PLCH2: variants seen among roughly 807,000 people sequenced by gnomAD.
PLCH2 encodes 1-phosphatidylinositol 4,5-bisphosphate phosphodiesterase eta-2.
A neutral mutation model predicts 134.7 loss-of-function variants in PLCH2; 98 were observed. That is an observed-to-expected ratio of 0.73 (90% CI 0.62 to 0.86). The LOEUF (loss-of-function observed/expected upper bound fraction) is 0.86, where lower values mean the gene tolerates loss of function less well. PLCH2 is among the 40% of genes least tolerant of loss of function. PLCH2 has a pLI of 0.00. For synonymous variants in PLCH2, 974 were observed against 827.5 expected (o/e 1.18, Z -3.04); for missense variants, 1,994 against 1,986.6 (o/e 1.00, Z -0.07).
Position 2,505,317 on chromosome 1 carries a change from C to T in PLCH2, c.*104C>T. ...GCCAGGCCCCCAAAACTGTGTCCCC[C>T]TGGCTGCCCTGTGTCCCCTCCACCC... On this transcript the variant is annotated 3_prime_UTR_variant, in exon 22 of 22. Coordinates refer to ENST00000378486, the MANE Select transcript of PLCH2 (RefSeq NM_014638.4). 1 of 837,286 alleles carries T rather than the reference C, an allele frequency of 1.2e-6. No homozygotes were observed. The highest frequency in any genetic ancestry group is 1.8e-6 in the Non-Finnish European group (1 of 553,928). The allele number at this position is 837,286 out of a possible 1,614,324, so 51.9% of individuals were successfully genotyped here.
In PLCH2 at chr1:2,476,910, C is replaced by T. The variant is rs544977100; in HGVS notation, c.124+198C>T. 4.5e-4 allele frequency among the ~76,000 whole-genome samples: 68 copies of T among 152,318 alleles called. No individual in the cohort carries two copies. Among genetic ancestry groups the T allele is most frequent in the Admixed American group, 2.0e-3 (31 of 15,308 alleles). On this transcript the variant is annotated intron_variant, in intron 1 of 21. Coordinates refer to ENST00000378486, the MANE Select transcript of PLCH2 (RefSeq NM_014638.4). ...GCCCTGCCCCTCAGCCGCTCAGAGG[C>T]GTGCTCAGCACACCTCGGTCTCCCA... is the stretch of plus-strand genomic sequence containing the variant.
At chr1:2,499,618 C>T (rs2477707) in intron 19 of PLCH2, 23 bp from the exon 20 acceptor site, 373,991 of 1,570,354 alleles carry the variant, frequency 0.24, 50,245 homozygotes, top group African/African-American at 0.5. Context: ...ACCTCATGAC[C>T]CTGCTGACCC....
intron 5 of PLCH2, among the ~76,000 whole-genome samples, chr1:2,486,172 A>C (rs919013533): frequency 5.3e-5 from 8 of 152,200 alleles, no homozygotes; most frequent in Non-Finnish European, 1.0e-4. Flanking sequence ...ATTGGCAGGC[A>C]GAAGTGACCC....
chr1:2,480,908 G>A (rs1383451048), intron 4 of PLCH2, among the ~76,000 whole-genome samples: 1 of 152,268 alleles, frequency 6.6e-6, no homozygotes, highest in African/African-American at 2.4e-5. Context: ...GGTGCTGGCT[G>A]AGCCAGCAAA....
Position 2,479,890 on chromosome 1 carries a change from C to A in PLCH2, c.428C>A (p.Ala143Glu), listed in dbSNP as rs762406357. 2 of 1,611,728 alleles carry A rather than the reference C, an allele frequency of 1.2e-6. No homozygotes were observed. Among genetic ancestry groups the A allele is most frequent in the Non-Finnish European group, 8.5e-7 (1 of 1,179,492 alleles). The change falls in exon 3 of 22, where the codon GCG (alanine) becomes GAG (glutamate). Residue 143 changes from alanine to glutamate, a missense_variant. Transcript: ENST00000378486. ...CTGGTCTCCACCAGCAGCGAGGTGG[C>A]GCGCACCTGGGTCACTGGCCTGCGC... Reference protein sequence around the residue: ...LDLVSTSSEVARTWVTGLRYL... With the variant: ...LDLVSTSSEVERTWVTGLRYL...
rs778748424 is a variant in PLCH2 at position 2,478,629 on chromosome 1, G to A, written c.271+7G>A. 1.9e-6 allele frequency: 3 copies of A among 1,602,694 alleles called. No individual in the cohort carries two copies. The highest frequency in any genetic ancestry group is 1.3e-5 in the African/African-American group (1 of 74,764). ...AAGAACGAGAAGGCCAAGAGTGAGT[G>A]GGAGCCCTGGGGTGGGGACAAATCA... On this transcript the variant is annotated splice_region_variant and intron_variant, in intron 2 of 21. Transcript: ENST00000378486.
chr1:2,444,564 C>T lies in PLCH2; in HGVS notation c.115+13935C>T, dbSNP rs1639851798. 6.6e-6 allele frequency among the ~76,000 whole-genome samples: 1 copy of T among 152,162 alleles called. No homozygotes were observed. The highest frequency in any genetic ancestry group is 1.5e-5 in the Non-Finnish European group (1 of 68,000). ...TGAGTGTCCACTGCTGAGGGGTCTCCTGGGCTCTGGACCTGCCGGCAGAGC... is the reference window on the plus strand; with the variant it reads ...TGAGTGTCCACTGCTGAGGGGTCTCTTGGGCTCTGGACCTGCCGGCAGAGC... On this transcript the variant is annotated intron_variant, in intron 2 of 3. Transcript: ENST00000609981. The surrounding 1 kb of genome is among the most constrained non-coding windows in gnomAD (Gnocchi z 4.6).
upstream of PLCH2, among the ~76,000 whole-genome samples, chr1:2,422,278 A>ACAAG (rs897455734): frequency 2.4e-4 from 36 of 152,034 alleles, no homozygotes; most frequent in African/African-American, 8.2e-4. Context: ...CAAAAAACAA[A>ACAAG]CAAACAAACA....
chr1:2,434,897 A>G (rs1253467923), intron 2 of PLCH2, among the ~76,000 whole-genome samples: 1 of 152,208 alleles, frequency 6.6e-6, no homozygotes, highest in Non-Finnish European at 1.5e-5. Context: ...TGCTGTACCC[A>G]GGCTGCCCAG....
At chr1:2,423,456 A>G (rs1478517647), upstream of PLCH2, among the ~76,000 whole-genome samples, 1 of 152,156 alleles carries the variant, frequency 6.6e-6, no homozygotes, top group East Asian at 1.9e-4. Flanking sequence ...CGATACACGG[A>G]GACAGCAGGG....
At position 2,502,109 on chromosome 1, in the gene PLCH2, C is replaced by A. The variant is rs1281789626; in HGVS notation, c.2662-3C>A. On this transcript the variant is annotated splice_polypyrimidine_tract_variant and splice_region_variant and intron_variant, in intron 20 of 21. Coordinates refer to ENST00000378486, the MANE Select transcript of PLCH2 (RefSeq NM_014638.4). The stretch of plus-strand genomic sequence containing the variant: ...ACAGCTACATGGGCTCCTTCTCTTG[C>A]AGGTCAAGCAGGCTCTGGGCCTAAA... 6 of 1,431,080 alleles carry A rather than the reference C, an allele frequency of 4.2e-6. No homozygotes were observed. The South Asian group carries it at 8.8e-5, about 21-fold the overall frequency. The allele number at this position is 1,431,080 out of a possible 1,614,324, so 88.6% of individuals were successfully genotyped here.
intron 4 of PLCH2, among the ~76,000 whole-genome samples, chr1:2,481,246 G>A (rs1641955125): frequency 6.6e-6 from 1 of 152,246 alleles, no homozygotes; most frequent in African/African-American, 2.4e-5. Context: ...CCTGCTCACA[G>A]GACAGGGTGT....
At chr1:2,462,879 C>G (rs116491828), upstream of PLCH2, among the ~76,000 whole-genome samples, 1 of 152,198 alleles carries the variant, frequency 6.6e-6, no homozygotes, top group Admixed American at 6.5e-5. Context: ...GGGGGTGGAT[C>G]TGGCCCTTCG....
At chr1:2,417,883 G>C in the PLCH2 span, among the ~76,000 whole-genome samples, 22 of 152,350 alleles carry the variant, frequency 1.4e-4, no homozygotes, top group South Asian at 4.3e-3. Context: ...CTGTCAAGTG[G>C]GGGAATAGAG....
chr1:2,469,918 G>A (rs1366846303), intron 1 of PLCH2, among the ~76,000 whole-genome samples: 1 of 152,214 alleles, frequency 6.6e-6, no homozygotes, highest in Non-Finnish European at 1.5e-5. Flanking sequence ...CCCGAGAGGG[G>A]GCCTTGTGGC....
chr1:2,499,885 G>C (rs1221562794), intron 20 of PLCH2, 165 bp downstream of exon 20: 5 of 643,672 alleles, frequency 7.8e-6, no homozygotes, highest in Middle Eastern at 8.3e-4. Flanking sequence ...GGCTGCTGTG[G>C]GGGCCTGGCT....
At chr1:2,482,529 C>T (rs1187016928) in intron 4 of PLCH2, among the ~76,000 whole-genome samples, 1 of 152,232 alleles carries the variant, frequency 6.6e-6, no homozygotes, top group African/African-American at 2.4e-5. Context: ...GCCCTTCATG[C>T]CACGCTGGCC....
chr1:2,434,009 G>A (rs749367282), intron 2 of PLCH2, among the ~76,000 whole-genome samples: 36 of 152,240 alleles, frequency 2.4e-4, no homozygotes, highest in Non-Finnish European at 4.4e-4. Flanking sequence ...GAAACTCGAC[G>A]AGCTGCTGCC....
chr1:2,482,180 C>T (rs1642007090), intron 4 of PLCH2, among the ~76,000 whole-genome samples: 1 of 152,220 alleles, frequency 6.6e-6, no homozygotes. Flanking sequence ...GGGCTCAGGC[C>T]CCGAGGGCCT....
Sources: allele counts gnomAD v4.1 joint callset (sites outside exome capture counted in the v4.1 genomes callset), GRCh38; gene constraint gnomAD v4.1.1; non-coding constraint Gnocchi (gnomAD v3.1); transcripts MANE v1.5; gene names NCBI Gene and HGNC (gene_info 2026-07-23, HGNC 2026-07-21).